PRKCA: variants seen among roughly 807,000 people sequenced by gnomAD.
PRKCA encodes the protein protein kinase C alpha type.
Under a neutral mutation model 87.0 loss-of-function variants are expected in PRKCA, and 27 were observed. The ratio of observed to expected loss-of-function variants is 0.31; its 90% CI spans 0.23 to 0.43. PRKCA has a LOEUF of 0.43. Ranked by LOEUF, PRKCA falls within the 20% of genes least tolerant of loss-of-function variation. PRKCA has a pLI of 1.00. For missense variants in PRKCA, 518 were observed against 852.3 expected, an observed-to-expected ratio of 0.61 and a Z score of 4.88; for synonymous variants, 329 against 311.1, an observed-to-expected ratio of 1.06 and a Z score of -0.61.
intron 2 of PRKCA, among the ~76,000 whole-genome samples, chr17:66,385,708 G>A (rs758373629): frequency 3.3e-5 from 5 of 152,096 alleles, no homozygotes; most frequent in African/African-American, 9.7e-5. Context: ...CAACATAGAC[G>A]CTGCCTCTAC....
At chr17:66,777,160 TCTCCTGCC>T in intron 14 of PRKCA, 1 of 961,720 alleles carries the variant, frequency 1.0e-6, no homozygotes, top group Non-Finnish European at 1.2e-6. Flanking sequence ...GGGGGAGCCC[TCTCCTGCC>T]CTGCCCATGT....
intron 3 of PRKCA, among the ~76,000 whole-genome samples, chr17:66,633,032 G>A (rs772830658): frequency 9.9e-5 from 15 of 152,088 alleles, no homozygotes; most frequent in Middle Eastern, 3.2e-3. Flanking sequence ...CACCAAAAAC[G>A]GAATTTCTTT....
intron 14 of PRKCA, chr17:66,775,047 C>T (rs1975015669): frequency 7.1e-6 from 7 of 985,300 alleles, no homozygotes; most frequent in South Asian, 9.4e-5. Context: ...CCTAAGACAT[C>T]CTTTATGACT....
At chr17:66,416,171 C>T (rs1465429735) in intron 2 of PRKCA, 1 of 152,204 alleles carries the variant, frequency 6.6e-6, no homozygotes, top group Non-Finnish European at 1.5e-5. Flanking sequence ...TGTCACCTGC[C>T]TCTACTGAGG....
At position 66,798,968 on chromosome 17, in the gene PRKCA, A is replaced by ATGGTGGTGGTGGTGG. The variant is rs1555650885; in HGVS notation, c.1855-4842_1855-4828dup. On this transcript the variant is annotated intron_variant, in intron 16 of 16. Transcript: ENST00000413366. ...GGTGGTGGTGGTGGTGGTGGTGGTG[A>ATGGTGGTGGTGGTGG]TGGTGGTGGTGGTGGTGGTGGTGGT... 8.6e-3 allele frequency among the ~76,000 whole-genome samples: 94 copies of ATGGTGGTGGTGGTGG among 10,922 alleles called. 16 individuals are homozygous for ATGGTGGTGGTGGTGG. Among genetic ancestry groups the ATGGTGGTGGTGGTGG allele is most frequent in the Admixed American group, 0.016 (15 of 926 alleles). 7.2% of individuals were successfully genotyped at this position (10,922 alleles called of 152,430 possible). A position where few individuals can be genotyped will look rare whatever the true frequency, so the allele number is the denominator to read the frequency against.
chr17:66,541,181 G>A lies in PRKCA; in HGVS notation c.288+44898G>A, dbSNP rs184265022. Among the ~76,000 whole-genome samples the A allele has an allele frequency of 5.1e-4, 78 of 152,256 alleles. 1 individual carries two copies. The highest frequency in any genetic ancestry group is 1.8e-3 in the African/African-American group (73 of 41,548). On this transcript the variant is annotated intron_variant, in intron 3 of 16. Transcript: ENST00000413366. ...AGTTTGAACAAAGATGTGACCATGA[G>A]GGGTTTTGTTTTATTTTTTAACTAG...
chr17:66,628,793 C>T (rs12150609), intron 3 of PRKCA, among the ~76,000 whole-genome samples: 53,937 of 152,060 alleles, frequency 0.35, 9,548 homozygotes, highest in Middle Eastern at 0.44. Flanking sequence ...TTGGGGAGGC[C>T]GACGTGGGCG....
At chr17:66,411,105 C>G (rs1911769886) in intron 2 of PRKCA, among the ~76,000 whole-genome samples, 1 of 151,746 alleles carries the variant, frequency 6.6e-6, no homozygotes, top group Non-Finnish European at 1.5e-5. Flanking sequence ...AGGGTCTTGC[C>G]CTGTCGCCCA....
At chr17:66,573,747 C>T (rs1969146889) in intron 3 of PRKCA, among the ~76,000 whole-genome samples, 1 of 152,202 alleles carries the variant, frequency 6.6e-6, no homozygotes, top group African/African-American at 2.4e-5. Context: ...TGAAGTGCGA[C>T]ATTCACCCAT....
rs191729799 is a variant in PRKCA at position 66,708,861 on chromosome 17, A to C, written c.918+19814A>C. Among the ~76,000 whole-genome samples, 202 of 152,296 alleles carry C rather than the reference A, an allele frequency of 1.3e-3. 2 individuals are homozygous for C. Among genetic ancestry groups the C allele is most frequent in the African/African-American group, 4.8e-3 (198 of 41,564 alleles). On this transcript the variant is annotated intron_variant, in intron 8 of 16. Transcript: ENST00000413366. The stretch of plus-strand genomic sequence containing the variant: ...CTATTGTTAGTTCCCTTTAATCTTG[A>C]TGTGGATTAAGATCGCTATCCTAAA...
At chr17:66,552,155 G>A (rs967822483) in intron 3 of PRKCA, among the ~76,000 whole-genome samples, 2 of 152,014 alleles carry the variant, frequency 1.3e-5, no homozygotes, top group Non-Finnish European at 2.9e-5. Context: ...AAAATTAGCT[G>A]GGCATGGTGG....
At chr17:66,802,789 T>C (rs1434068275) in intron 16 of PRKCA, among the ~76,000 whole-genome samples, 1 of 152,240 alleles carries the variant, frequency 6.6e-6, no homozygotes, top group Non-Finnish European at 1.5e-5. Context: ...TCCAGAGCTA[T>C]TCTCTGTTAG....
At chr17:66,405,935 G>T (rs548343256) in intron 2 of PRKCA, among the ~76,000 whole-genome samples, 6 of 152,064 alleles carry the variant, frequency 3.9e-5, no homozygotes, top group Non-Finnish European at 8.8e-5. Flanking sequence ...CAATTATTAT[G>T]GTTGGTGTGG....
At chr17:66,425,572 T>G (rs1308711762) in intron 2 of PRKCA, among the ~76,000 whole-genome samples, 1 of 152,184 alleles carries the variant, frequency 6.6e-6, no homozygotes, top group African/African-American at 2.4e-5. Flanking sequence ...TTTGAAGGTA[T>G]ATTCATAATA....
At chr17:66,347,585 A>G (rs1907465046) in intron 2 of PRKCA, among the ~76,000 whole-genome samples, 1 of 152,114 alleles carries the variant, frequency 6.6e-6, no homozygotes, top group Admixed American at 6.5e-5. Flanking sequence ...ACACTATTTC[A>G]TTGAGTTCTG....
intron 14 of PRKCA, among the ~76,000 whole-genome samples, chr17:66,783,960 G>A (rs565902687): frequency 6.6e-6 from 1 of 152,238 alleles, no homozygotes; most frequent in Non-Finnish European, 1.5e-5. Flanking sequence ...GCCCACAAGA[G>A]CTCTGTGCAT....
intron 3 of PRKCA, among the ~76,000 whole-genome samples, chr17:66,619,110 G>A (rs1174920828): frequency 1.3e-5 from 2 of 152,130 alleles, no homozygotes; most frequent in Non-Finnish European, 2.9e-5. Flanking sequence ...GGCAATCCAA[G>A]TCAGCTGGAG....
intron 6 of PRKCA, 149 bp from the exon 7 acceptor site, chr17:66,688,153 G>T: frequency 1.1e-6 from 1 of 919,164 alleles, no homozygotes. Context: ...GTAGCGCTTT[G>T]CTTGCCAGCA....
At chr17:66,769,970 A>G (rs551501288) in intron 13 of PRKCA, among the ~76,000 whole-genome samples, 48 of 152,328 alleles carry the variant, frequency 3.2e-4, no homozygotes, top group African/African-American at 1.0e-3. Flanking sequence ...AACAAAATCC[A>G]TTTACATTCA....
Sources: gnomAD v4.1 joint callset for allele counts (sites outside exome capture counted in the v4.1 genomes callset) on GRCh38, gnomAD v4.1.1 for gene constraint, MANE v1.5 for transcripts, NCBI Gene and HGNC (gene_info 2026-07-23, HGNC 2026-07-21) for gene names.